Variants in SLC44A5 observed in about 807,000 individuals in gnomAD.
SLC44A5 encodes solute carrier family 44 member 5, also known as choline transporter-like protein 5.
SLC44A5 carries 57 observed loss-of-function variants against 101.8 expected under a neutral mutation model. That is an observed-to-expected ratio of 0.56 (90% CI 0.45 to 0.70). SLC44A5 has a LOEUF of 0.70. Ranked by LOEUF, SLC44A5 falls within the 30% of genes least tolerant of loss-of-function variation. The pLI, the probability that SLC44A5 is intolerant of heterozygous loss-of-function variation, is 0.00. For missense variants in SLC44A5, 737 were observed against 853.1 expected, an observed-to-expected ratio of 0.86 and a Z score of 1.70; for synonymous variants, 281 against 290.9, an observed-to-expected ratio of 0.97 and a Z score of 0.35.
intron 2 of SLC44A5, among the ~76,000 whole-genome samples, chr1:75,445,601 AC>A (rs1428966895): frequency 6.6e-6 from 1 of 150,798 alleles, no homozygotes; most frequent in Non-Finnish European, 1.5e-5. Context: ...CCTCTTCCTG[AC>A]CTCTAAATAT....
At chr1:75,405,179 G>A (rs570568621) in intron 2 of SLC44A5, among the ~76,000 whole-genome samples, 1 of 152,248 alleles carries the variant, frequency 6.6e-6, no homozygotes, top group Non-Finnish European at 1.5e-5. Flanking sequence ...CAATACAGGA[G>A]CACCCAGATT....
intron 2 of SLC44A5, among the ~76,000 whole-genome samples, chr1:75,515,612 T>A (rs1557864947): frequency 2.0e-5 from 3 of 152,256 alleles, no homozygotes; most frequent in Admixed American, 1.3e-4. Flanking sequence ...AGAATTTCTA[T>A]CTTCTTTAAG....
At chr1:75,299,621 G>A (rs1029891356) in intron 5 of SLC44A5, among the ~76,000 whole-genome samples, 1 of 152,072 alleles carries the variant, frequency 6.6e-6, no homozygotes, top group African/African-American at 2.4e-5. Flanking sequence ...CAGAACCTAT[G>A]TCTCTGGGGA....
intron 3 of SLC44A5, among the ~76,000 whole-genome samples, chr1:75,366,602 T>G (rs1025639183): frequency 2.6e-5 from 4 of 152,220 alleles, no homozygotes; most frequent in African/African-American, 7.2e-5. Flanking sequence ...CATTATTTAT[T>G]TAAACAAGCT....
intron 3 of SLC44A5, among the ~76,000 whole-genome samples, chr1:75,342,129 A>G (rs1337214549): frequency 6.6e-6 from 1 of 152,234 alleles, no homozygotes. Flanking sequence ...TTTGGGAGAC[A>G]CTACCATTAG....
chr1:75,555,100 T>C (rs1441088589), intron 1 of SLC44A5, among the ~76,000 whole-genome samples: 2 of 152,114 alleles, frequency 1.3e-5, no homozygotes, highest in Non-Finnish European at 2.9e-5. Flanking sequence ...GACACTCCAA[T>C]TAAAAGTCAA....
At chr1:75,490,017 C>T (rs1476793722) in intron 2 of SLC44A5, among the ~76,000 whole-genome samples, 1 of 151,436 alleles carries the variant, frequency 6.6e-6, no homozygotes. Flanking sequence ...AGAATTTCAG[C>T]TCCACATGAA....
chr1:75,224,236 G>T (rs2100524292), intron 13 of SLC44A5, among the ~76,000 whole-genome samples: 1 of 152,282 alleles, frequency 6.6e-6, no homozygotes, highest in East Asian at 1.9e-4. Flanking sequence ...TGTGCTGACA[G>T]TCATATAAAA....
At chr1:75,313,180 C>T (rs1655439557) in intron 4 of SLC44A5, among the ~76,000 whole-genome samples, 1 of 152,030 alleles carries the variant, frequency 6.6e-6, no homozygotes, top group South Asian at 2.1e-4. Flanking sequence ...TCCCGGGTAC[C>T]AGGAATACTG....
chr1:75,695,367 T>G, the SLC44A5 span, among the ~76,000 whole-genome samples: 1 of 152,182 alleles, frequency 6.6e-6, no homozygotes, highest in Non-Finnish European at 1.5e-5. Flanking sequence ...CCAAGTAGAC[T>G]TTTATTTGTG....
chr1:75,427,742 GT>G (rs1664394346), intron 2 of SLC44A5, among the ~76,000 whole-genome samples: 1 of 152,110 alleles, frequency 6.6e-6, no homozygotes, highest in Non-Finnish European at 1.5e-5. Flanking sequence ...TAAAAATGTC[GT>G]TGTGAGGATT....
chr1:75,399,348 C>T lies in SLC44A5; in HGVS notation c.14-2727G>A, dbSNP rs563845043. ...CCACCACCAATGATTTATATTTAAT[C>T]TAACCTACACATAAGAAATAAAGAA... On this transcript the variant is annotated intron_variant, in intron 2 of 23. Coordinates refer to ENST00000370859, the MANE Select transcript of SLC44A5 (RefSeq NM_001130058.2). 3.9e-5 allele frequency among the ~76,000 whole-genome samples: 6 copies of T among 152,190 alleles called. No homozygotes were observed. In the South Asian group the frequency reaches 1.2e-3, roughly 32 times the overall value.
intron 2 of SLC44A5, among the ~76,000 whole-genome samples, chr1:75,530,730 AT>A (rs34178344): frequency 1.3e-5 from 2 of 152,050 alleles, no homozygotes; most frequent in African/African-American, 4.8e-5. Context: ...TGACCCTGAC[AT>A]TTTCTAGTAG....
chr1:75,631,411 C>G, the SLC44A5 span, among the ~76,000 whole-genome samples: 1 of 152,056 alleles, frequency 6.6e-6, no homozygotes, highest in Non-Finnish European at 1.5e-5. Context: ...CTCACTCTGT[C>G]ACTTAGACTG....
At chr1:75,485,163 C>CT (rs1315600665) in intron 2 of SLC44A5, among the ~76,000 whole-genome samples, 4 of 152,192 alleles carry the variant, frequency 2.6e-5, no homozygotes, top group Non-Finnish European at 5.9e-5. Context: ...ATGGGTTTTT[C>CT]TTTTTTCTCA....
At chr1:75,682,266 T>C in the SLC44A5 span, among the ~76,000 whole-genome samples, 1 of 152,078 alleles carries the variant, frequency 6.6e-6, no homozygotes, top group Non-Finnish European at 1.5e-5. Flanking sequence ...TTAAAGTTCA[T>C]ATGGAACCAA....
intron 2 of SLC44A5, among the ~76,000 whole-genome samples, chr1:75,524,209 T>C (rs1444320827): frequency 6.6e-6 from 1 of 152,096 alleles, no homozygotes; most frequent in Non-Finnish European, 1.5e-5. Context: ...CCCCCTTAGC[T>C]CTCTCTCTTC....
At chr1:75,476,258 A>T (rs1224047259) in intron 2 of SLC44A5, among the ~76,000 whole-genome samples, 1 of 152,120 alleles carries the variant, frequency 6.6e-6, no homozygotes, top group Non-Finnish European at 1.5e-5. Flanking sequence ...TCTACCTACT[A>T]ACTGGGGAGC....
rs754146372 is a variant in SLC44A5, at chr1:75,219,866, A to C, written c.1112T>G (p.Leu371Ter). 5.0e-6 allele frequency: 8 copies of C among 1,611,516 alleles called. No homozygotes were observed. The highest frequency in any genetic ancestry group is 8.5e-7 in the Non-Finnish European group (1 of 1,178,218). ...AATGAAAGTTAAAGCTGGATAGACT[A>C]ATGTACTAGGAACATATCCAATGGC... ...SKAIGYVPST[L>*]VYPALTFILL... Residue 371 changes from leucine to a stop codon, truncating the protein, a stop_gained, in exon 15 of 24, where the codon TTA (leucine) becomes TGA (stop). Coordinates refer to ENST00000370859, the MANE Select transcript of SLC44A5 (RefSeq NM_001130058.2). LOFTEE classifies it high-confidence loss of function.
Sources: gnomAD v4.1 joint callset for allele counts (sites outside exome capture counted in the v4.1 genomes callset) on GRCh38, gnomAD v4.1.1 for gene constraint, MANE v1.5 for transcripts, NCBI Gene and HGNC (gene_info 2026-07-23, HGNC 2026-07-21) for gene names.